Variants in PCDHGA9 observed in about 807,000 individuals in gnomAD.
PCDHGA9 encodes the protein protocadherin gamma subfamily A, 9.
A neutral mutation model predicts 62.5 loss-of-function variants in PCDHGA9; 37 were observed. The ratio of observed to expected loss-of-function variants is 0.59; its 90% CI spans 0.46 to 0.78. The LOEUF (loss-of-function observed/expected upper bound fraction) is 0.78, where lower values mean the gene tolerates loss of function less well. Among genes scored for constraint, PCDHGA9 ranks in the 30% least tolerant of loss-of-function variants. The pLI is 0.00. For synonymous variants in PCDHGA9, 459 were observed against 484.6 expected (o/e 0.95, Z 0.69); for missense variants, 1,138 against 1,166.2 (o/e 0.98, Z 0.35).
intron 1 of PCDHGA9, chr5:141,428,187 C>T: frequency 1.4e-6 from 2 of 1,439,502 alleles, no homozygotes; most frequent in Non-Finnish European, 1.9e-6. Context: ...GGACAGCCGC[C>T]GCTCTCTGCG....
chr5:141,423,875 A>G (rs1354115544), intron 1 of PCDHGA9: 8 of 1,282,448 alleles, frequency 6.2e-6, no homozygotes, highest in African/African-American at 3.1e-5. Context: ...TCATTTTTCA[A>G]TCTTGGCATA....
Position 141,489,252 on chromosome 5 carries a change from G to A in PCDHGA9, c.2425-5555G>A. 2 of 1,547,622 alleles carry A rather than the reference G, an allele frequency of 1.3e-6. No individual in the cohort carries two copies. Among genetic ancestry groups the A allele is most frequent in the Non-Finnish European group, 1.7e-6 (2 of 1,147,198 alleles). On this transcript the variant is annotated intron_variant, in intron 1 of 3. Coordinates refer to ENST00000573521, the MANE Select transcript of PCDHGA9 (RefSeq NM_018921.3). The surrounding 1 kb of genome is among the most constrained non-coding windows in gnomAD (Gnocchi z 4.5). ...GGGACTTCTGGGTCATGGGGCCCAAGACACTCCCACAGCTCGCTGGGAAAT... is the reference window on the plus strand; with the variant it reads ...GGGACTTCTGGGTCATGGGGCCCAAAACACTCCCACAGCTCGCTGGGAAAT...
intron 1 of PCDHGA9, chr5:141,441,209 G>A (rs1276958461): frequency 1.3e-5 from 2 of 152,158 alleles, no homozygotes; most frequent in East Asian, 3.9e-4. Flanking sequence ...TCTGCACCTT[G>A]GACAGTAATC....
chr5:141,427,151 G>A (rs1481629222), intron 1 of PCDHGA9: 1 of 456,934 alleles, frequency 2.2e-6, no homozygotes, highest in Admixed American at 2.3e-5. Flanking sequence ...TTGGAAATAT[G>A]TTTGTGCTAG....
intron 1 of PCDHGA9, among the ~76,000 whole-genome samples, chr5:141,448,917 C>T (rs913804081): frequency 2.6e-5 from 4 of 152,130 alleles, no homozygotes; most frequent in African/African-American, 9.7e-5. Context: ...TGCACTCCAG[C>T]CTGGGCGACA....
intron 1 of PCDHGA9, chr5:141,414,615 G>A: frequency 6.2e-7 from 1 of 1,613,962 alleles, no homozygotes; most frequent in Non-Finnish European, 8.5e-7. Context: ...CAGTGACAGC[G>A]CTGGACCCGG....
At chr5:141,411,394 A>AC (rs958605809) in intron 1 of PCDHGA9, 4 of 151,570 alleles carry the variant, frequency 2.6e-5, no homozygotes, top group South Asian at 2.1e-4. Context: ...ATATAGGGAG[A>AC]CCCCCCATCT....
intron 1 of PCDHGA9, among the ~76,000 whole-genome samples, chr5:141,435,227 G>T (rs1461159947): frequency 1.3e-5 from 2 of 152,030 alleles, no homozygotes; most frequent in African/African-American, 4.8e-5. Context: ...TTCTTTCAAA[G>T]TTCAGTAATT....
chr5:141,434,027 G>A (rs887125944), intron 1 of PCDHGA9, among the ~76,000 whole-genome samples: 3 of 152,130 alleles, frequency 2.0e-5, no homozygotes, highest in Non-Finnish European at 2.9e-5. Flanking sequence ...GATTCTGGAA[G>A]CATGGTTTTC....
rs1029237740 is a variant in PCDHGA9, at chr5:141,500,358, A to G, written c.2484-5035A>G. ...AGAATAGCTGGGACTACAGGCGCCC[A>G]CTACCACGCCCGGCTAATTATTTTG... On this transcript the variant is annotated intron_variant, in intron 2 of 3. Coordinates refer to ENST00000573521, the MANE Select transcript of PCDHGA9 (RefSeq NM_018921.3). Among the ~76,000 whole-genome samples, 5 of 151,706 alleles carry G rather than the reference A, an allele frequency of 3.3e-5. No homozygotes were observed. In the South Asian group the frequency reaches 6.3e-4, roughly 19 times the overall value.
At chr5:141,410,480 G>A in intron 1 of PCDHGA9, 1 of 1,613,966 alleles carries the variant, frequency 6.2e-7, no homozygotes, top group Non-Finnish European at 8.5e-7. Context: ...TGCACATACG[G>A]GTACAAAAGA....
chr5:141,471,630 G>T (rs2099261496), intron 1 of PCDHGA9: 1 of 152,108 alleles, frequency 6.6e-6, no homozygotes, highest in African/African-American at 2.4e-5. Context: ...GCATTGGTAT[G>T]GATTAGTAAT....
chr5:141,477,245 A>G lies in PCDHGA9; in HGVS notation c.2425-17562A>G. On this transcript the variant is annotated intron_variant, in intron 1 of 3. Transcript: ENST00000573521. The surrounding 1 kb of genome is among the most constrained non-coding windows in gnomAD (Gnocchi z 4.9). ...GACTGTCATCGCTTTGCTCAGTGTG[A>G]CTGACCTGGATGCTGGCGAGAACGG... 3.7e-6 allele frequency: 6 copies of G among 1,614,128 alleles called. No homozygotes were observed. The highest frequency in any genetic ancestry group is 5.1e-6 in the Non-Finnish European group (6 of 1,180,026).
chr5:141,432,215 C>T lies in PCDHGA9; in HGVS notation c.2424+26839C>T. The T allele has an allele frequency of 1.9e-6, 3 of 1,614,228 alleles. No individual in the cohort carries two copies. The highest frequency in any genetic ancestry group is 2.5e-6 in the Non-Finnish European group (3 of 1,180,036). The stretch of plus-strand genomic sequence containing the variant: ...CGACCCCGACTGTGAAGAGAACGCC[C>T]AGATCACTTATTCCCTGGCTGAGAA... On this transcript the variant is annotated intron_variant, in intron 1 of 3. Transcript: ENST00000573521. This position sits in a 1 kb window ranked among gnomAD's most constrained non-coding sequence, Gnocchi z 6.0.
chr5:141,506,994 G>A (rs1053891468), intron 3 of PCDHGA9: 1 of 152,126 alleles, frequency 6.6e-6, no homozygotes, highest in Non-Finnish European at 1.5e-5. Context: ...TCTCACACTC[G>A]ACAGATGAGA....
intron 3 of PCDHGA9, chr5:141,507,000 TGA>T (rs1235660361): frequency 1.3e-5 from 2 of 152,218 alleles, no homozygotes; most frequent in African/African-American, 4.8e-5. Flanking sequence ...ACTCGACAGA[TGA>T]GAGAACCGAG....
In PCDHGA9 at chr5:141,412,947, C is replaced by T. The variant is rs930035804; in HGVS notation, c.2424+7571C>T. On this transcript the variant is annotated intron_variant, in intron 1 of 3. Coordinates refer to ENST00000573521, the MANE Select transcript of PCDHGA9 (RefSeq NM_018921.3). ...AGTAACTTCTTAGGACTCTGAGCGC[C>T]GCTGTTCACCTACTAGGAGAGAAAA... is the stretch of plus-strand genomic sequence containing the variant. The T allele has an allele frequency of 2.3e-5, 11 of 475,008 alleles. No individual in the cohort carries two copies. The Middle Eastern group carries it at 2.2e-3, about 94-fold the overall frequency. 29.4% of individuals were successfully genotyped at this position (475,008 alleles called of 1,614,324 possible). A position where few individuals can be genotyped will look rare whatever the true frequency, so the allele number is the denominator to read the frequency against.
Position 141,438,591 on chromosome 5 carries a change from C to CAT in PCDHGA9, c.2424+33259_2424+33260dup, listed in dbSNP as rs946798767. On this transcript the variant is annotated intron_variant, in intron 1 of 3. Coordinates refer to ENST00000573521, the MANE Select transcript of PCDHGA9 (RefSeq NM_018921.3). ...TCTGATATACATACATACATACATA[C>CAT]ATATATATATATATATATATATATA... Among the ~76,000 whole-genome samples the CAT allele has an allele frequency of 6.3e-3, 476 of 75,268 alleles. 1 individual carries two copies. The highest frequency in any genetic ancestry group is 9.5e-3 in the Non-Finnish European group (352 of 37,106). 49.4% of individuals were successfully genotyped at this position (75,268 alleles called of 152,430 possible). A position where few individuals can be genotyped will look rare whatever the true frequency, so the allele number is the denominator to read the frequency against.
intron 1 of PCDHGA9, chr5:141,433,252 G>T (rs1398141147): frequency 1.4e-6 from 2 of 1,425,340 alleles, no homozygotes; most frequent in Non-Finnish European, 1.9e-6. Flanking sequence ...GGAATGCAGC[G>T]GTACGATCAT....
Sources: allele counts gnomAD v4.1 joint callset (sites outside exome capture counted in the v4.1 genomes callset), GRCh38; gene constraint gnomAD v4.1.1; non-coding constraint Gnocchi (gnomAD v3.1); transcripts MANE v1.5; gene names NCBI Gene and HGNC (gene_info 2026-07-23, HGNC 2026-07-21).